The following PLCB1 variants were observed in gnomAD, a reference collection of about 807,000 sequenced individuals.
PLCB1 encodes the protein 1-phosphatidylinositol 4,5-bisphosphate phosphodiesterase beta-1.
Under a neutral mutation model 161.8 loss-of-function variants are expected in PLCB1, and 46 were observed. That is an observed-to-expected ratio of 0.28 (90% CI 0.22 to 0.36). PLCB1 has a LOEUF of 0.36. Ranked by LOEUF, PLCB1 falls within the 10% of genes least tolerant of loss-of-function variation. PLCB1 has a pLI of 1.00. For synonymous variants in PLCB1, 517 were observed against 503.7 expected (o/e 1.03, Z -0.35); for missense variants, 1,016 against 1,472.5 (o/e 0.69, Z 5.07).
chr20:8,377,876 G>T (rs900208109), intron 3 of PLCB1, among the ~76,000 whole-genome samples: 7 of 152,158 alleles, frequency 4.6e-5, no homozygotes, highest in African/African-American at 1.7e-4. Flanking sequence ...CAAGTCTGGG[G>T]TTCAGGGAAG....
At chr20:8,262,624 T>A (rs1443930953) in intron 2 of PLCB1, among the ~76,000 whole-genome samples, 1 of 152,204 alleles carries the variant, frequency 6.6e-6, no homozygotes, top group Non-Finnish European at 1.5e-5. Flanking sequence ...ATTATCTGAA[T>A]GTTTTATGCT....
At chr20:8,497,848 A>T (rs995090823) in intron 3 of PLCB1, among the ~76,000 whole-genome samples, 1 of 152,230 alleles carries the variant, frequency 6.6e-6, no homozygotes, top group Non-Finnish European at 1.5e-5. Flanking sequence ...CAAGAAGCTC[A>T]TTAACTATAG....
Position 8,788,619 on chromosome 20 carries a change from C to T in PLCB1, c.3189-14C>T, listed in dbSNP as rs777913912. 77 of 1,596,930 alleles carry T rather than the reference C, an allele frequency of 4.8e-5. No individual in the cohort carries two copies. The Middle Eastern group carries it at 6.6e-4, about 14-fold the overall frequency. On this transcript the variant is annotated splice_polypyrimidine_tract_variant and intron_variant, in intron 28 of 31. Transcript: ENST00000338037. ...TTGCCTCTTTTTTCTCTTTTACTTCCATTGTGACTTCAGAGAAAAGAAAGA... is the reference window on the plus strand; with the variant it reads ...TTGCCTCTTTTTTCTCTTTTACTTCTATTGTGACTTCAGAGAAAAGAAAGA...
chr20:8,643,206 TTC>T (rs2123270390), intron 4 of PLCB1, among the ~76,000 whole-genome samples: 1 of 152,290 alleles, frequency 6.6e-6, no homozygotes, highest in South Asian at 2.1e-4. Flanking sequence ...CTTCTTTGGA[TTC>T]TCAGCCTCAA....
chr20:8,824,848 A>C (rs1423177706), intron 31 of PLCB1, among the ~76,000 whole-genome samples: 1 of 152,226 alleles, frequency 6.6e-6, no homozygotes. Flanking sequence ...TAAAAAGGTA[A>C]CTTGGAGTAA....
At chr20:8,144,410 G>A (rs898922369) in intron 1 of PLCB1, among the ~76,000 whole-genome samples, 1 of 152,128 alleles carries the variant, frequency 6.6e-6, no homozygotes, top group African/African-American at 2.4e-5. Flanking sequence ...TGTTAAAAGG[G>A]ATTTTTCTGC....
In PLCB1 at chr20:8,739,359, AGGTATG is replaced by A. The variant is rs1980749422; in HGVS notation, c.2308+4_2308+9del. 3.1e-6 allele frequency: 5 copies of A among 1,594,382 alleles called. No homozygotes were observed. In the East Asian group the frequency reaches 1.1e-4, roughly 36 times the overall value. On this transcript the variant is annotated splice_donor_variant and splice_donor_5th_base_variant and coding_sequence_variant and intron_variant, in exon 21 of 32. Coordinates refer to ENST00000338037, the MANE Select transcript of PLCB1 (RefSeq NM_015192.4). LOFTEE classifies it high-confidence loss of function. ...TCTTGCCAGTGCAAGCCATTCGGCC[AGGTATG>A]GGTAGTGTGCTGAGAAACCTTTTAT...
chr20:8,604,486 G>C (rs896156455), intron 3 of PLCB1, among the ~76,000 whole-genome samples: 1 of 151,762 alleles, frequency 6.6e-6, no homozygotes, highest in Non-Finnish European at 1.5e-5. Flanking sequence ...AATTACTAAG[G>C]TTTCCCAAGT....
chr20:8,697,376 G>A (rs1990606262), intron 10 of PLCB1, among the ~76,000 whole-genome samples: 1 of 152,194 alleles, frequency 6.6e-6, no homozygotes. Context: ...ATTGGCACAT[G>A]GTAAATAGTT....
chr20:8,337,952 C>T (rs576872730), intron 2 of PLCB1, among the ~76,000 whole-genome samples: 2 of 152,132 alleles, frequency 1.3e-5, no homozygotes, highest in South Asian at 4.1e-4. Flanking sequence ...GACATGTGCT[C>T]ATTTCAGCAC....
At chr20:8,233,119 A>G (rs1568599628) in intron 2 of PLCB1, among the ~76,000 whole-genome samples, 1 of 152,116 alleles carries the variant, frequency 6.6e-6, no homozygotes, top group African/African-American at 2.4e-5. Flanking sequence ...ATCACCTGGG[A>G]TCCTACTTAT....
chr20:8,211,242 A>T (rs1346240840), intron 2 of PLCB1, among the ~76,000 whole-genome samples: 1 of 151,996 alleles, frequency 6.6e-6, no homozygotes, highest in East Asian at 1.9e-4. Flanking sequence ...TTTTTAAGGG[A>T]TGAGAAGGAC....
chr20:8,449,426 C>T (rs936831805), intron 3 of PLCB1, among the ~76,000 whole-genome samples: 2 of 152,166 alleles, frequency 1.3e-5, no homozygotes, highest in Admixed American at 1.3e-4. Context: ...TCGCTAGTGT[C>T]CCGCTTCCTT....
chr20:8,159,702 A>G (rs976363556), intron 2 of PLCB1, among the ~76,000 whole-genome samples: 1 of 151,940 alleles, frequency 6.6e-6, no homozygotes, highest in Non-Finnish European at 1.5e-5. Context: ...AATTTCTTCC[A>G]CCAGGCCGGG....
At chr20:8,362,833 T>C (rs1206437201) in intron 2 of PLCB1, among the ~76,000 whole-genome samples, 1 of 152,252 alleles carries the variant, frequency 6.6e-6, no homozygotes, top group Admixed American at 6.5e-5. Flanking sequence ...TCATTTATGT[T>C]ACACAATACT....
At chr20:8,639,698 CTG>C (rs1437222819) in intron 4 of PLCB1, among the ~76,000 whole-genome samples, 1 of 151,974 alleles carries the variant, frequency 6.6e-6, no homozygotes. Flanking sequence ...TGTTGGGCCT[CTG>C]TTAGGCAAGA....
At chr20:8,340,454 G>C (rs190604266) in intron 2 of PLCB1, among the ~76,000 whole-genome samples, 3 of 151,968 alleles carry the variant, frequency 2.0e-5, no homozygotes, top group Admixed American at 2.0e-4. Context: ...ACGGAGTCTC[G>C]CTCTGTCGCC....
At chr20:8,501,455 G>A (rs1413242981) in intron 3 of PLCB1, among the ~76,000 whole-genome samples, 1 of 152,254 alleles carries the variant, frequency 6.6e-6, no homozygotes, top group East Asian at 1.9e-4. Context: ...CAAGGCAGCG[G>A]GTCCAATCCA....
At chr20:8,617,288 T>A (rs935935392) in intron 3 of PLCB1, among the ~76,000 whole-genome samples, 6 of 152,166 alleles carry the variant, frequency 3.9e-5, no homozygotes, top group African/African-American at 1.4e-4. Flanking sequence ...ATTAAATAAT[T>A]TAAACTTAAA....
Sources: gnomAD v4.1 joint callset for allele counts (sites outside exome capture counted in the v4.1 genomes callset) on GRCh38, gnomAD v4.1.1 for gene constraint, MANE v1.5 for transcripts, NCBI Gene and HGNC (gene_info 2026-07-23, HGNC 2026-07-21) for gene names.